Variants in VSIG10 observed in about 807,000 individuals in gnomAD.
The protein encoded by VSIG10 is V-set and immunoglobulin domain containing 10.
Under a neutral mutation model 58.7 loss-of-function variants are expected in VSIG10, and 48 were observed. The ratio of observed to expected loss-of-function variants is 0.82; its 90% CI spans 0.65 to 1.04. The LOEUF is 1.04. Among genes scored for constraint, VSIG10 ranks in the 50% least tolerant of loss-of-function variants. The probability of loss-of-function intolerance (pLI) is 0.00; values close to 1 mark genes in which losing one functional copy is unlikely to be tolerated. For missense variants in VSIG10, 628 were observed against 670.0 expected, an observed-to-expected ratio of 0.94 and a Z score of 0.69; for synonymous variants, 260 against 267.1, an observed-to-expected ratio of 0.97 and a Z score of 0.26.
chr12:118,091,867 C>T (rs1387744220), intron 2 of VSIG10, among the ~76,000 whole-genome samples: 1 of 152,012 alleles, frequency 6.6e-6, no homozygotes, highest in Admixed American at 6.6e-5. Context: ...AAGCGATTCT[C>T]TTGCCTCAGC....
In VSIG10 at chr12:118,103,805, C is replaced by T. The variant is rs901710565; in HGVS notation, c.-134G>A. The stretch of plus-strand genomic sequence containing the variant: ...CGGCAGAGTGGCCCCACTTCCTCGG[C>T]CCCCAGGAAGGATGCTTGGCTGAGC... On this transcript the variant is annotated 5_prime_UTR_variant, in exon 1 of 9. Transcript: ENST00000359236. 11 of 843,098 alleles carry T rather than the reference C, an allele frequency of 1.3e-5. No homozygotes were observed. The highest frequency in any genetic ancestry group is 1.8e-5 in the Non-Finnish European group (11 of 596,266). 52.2% of individuals were successfully genotyped at this position (843,098 alleles called of 1,614,324 possible).
At chr12:118,099,322 G>T (rs2033561908) in intron 1 of VSIG10, among the ~76,000 whole-genome samples, 1 of 151,900 alleles carries the variant, frequency 6.6e-6, no homozygotes, top group South Asian at 2.1e-4. Flanking sequence ...GGCGGGTTGG[G>T]GTGGGGGGTC....
At chr12:118,093,165 G>A (rs1299636965) in intron 2 of VSIG10, among the ~76,000 whole-genome samples, 4 of 151,616 alleles carry the variant, frequency 2.6e-5, no homozygotes, top group Non-Finnish European at 5.9e-5. Context: ...TGGGTGTGGT[G>A]GCGGGCGCCT....
intron 4 of VSIG10, among the ~76,000 whole-genome samples, chr12:118,078,510 T>C (rs1245006274): frequency 6.6e-6 from 1 of 152,112 alleles, no homozygotes; most frequent in African/African-American, 2.4e-5. Context: ...TCTTGCTTCC[T>C]CTCTCACTAT....
In VSIG10 at chr12:118,082,433, G is replaced by A. The variant is rs1481317079; in HGVS notation, c.362-4C>T. 16 of 1,605,042 alleles carry A rather than the reference G, an allele frequency of 1.0e-5. No homozygotes were observed. The highest frequency in any genetic ancestry group is 1.4e-5 in the Non-Finnish European group (16 of 1,173,948). ...ACCTCAATCTGATAGGGGCCGCCTG[G>A]GGATGACAGGGGGAATAGGATGGCA... is the stretch of plus-strand genomic sequence containing the variant. On this transcript the variant is annotated splice_region_variant and splice_polypyrimidine_tract_variant and intron_variant, in intron 2 of 8. Coordinates refer to ENST00000359236, the MANE Select transcript of VSIG10 (RefSeq NM_019086.6).
At chr12:118,100,561 C>G (rs548017638) in intron 1 of VSIG10, among the ~76,000 whole-genome samples, 1 of 151,962 alleles carries the variant, frequency 6.6e-6, no homozygotes, top group Non-Finnish European at 1.5e-5. Flanking sequence ...GATGAAGTCT[C>G]GCTCTGTTGC....
intron 1 of VSIG10, among the ~76,000 whole-genome samples, chr12:118,098,131 T>C (rs1592897923): frequency 6.6e-6 from 1 of 151,764 alleles, no homozygotes; most frequent in African/African-American, 2.4e-5. Context: ...CGATCAATAA[T>C]TGATACAGAA....
In VSIG10 at chr12:118,095,751, G is replaced by A. The variant is rs942280216; in HGVS notation, c.143C>T (p.Ser48Leu). 9 of 1,613,320 alleles carry A rather than the reference G, an allele frequency of 5.6e-6. 1 individual carries two copies. The highest frequency in any genetic ancestry group is 1.1e-5 in the South Asian group (1 of 90,990). ...CCAGGTCACCTGGCCCCTCAGTCCCGAGATGTTGCCACAGTGCAGAGTAAC... is the reference window on the plus strand; with the variant it reads ...CCAGGTCACCTGGCCCCTCAGTCCCAAGATGTTGCCACAGTGCAGAGTAAC... ...ENVTLHCGNI[S>L]GLRGQVTWYR... The change falls in exon 2 of 9, where the codon TCG becomes TTG. Residue 48 changes from serine to leucine, a missense_variant. Physicochemically the swap from Ser to Leu is moderately radical, Grantham distance 145 (BLOSUM62 -2). Coordinates refer to ENST00000359236, the MANE Select transcript of VSIG10 (RefSeq NM_019086.6).
chr12:118,077,787 T>C (rs867850418), intron 4 of VSIG10, among the ~76,000 whole-genome samples: 13 of 152,242 alleles, frequency 8.5e-5, no homozygotes, highest in African/African-American at 2.9e-4. Context: ...GGAGAAGAAA[T>C]AGTTGCCAGG....
Position 118,068,309 on chromosome 12 carries a change from A to G in VSIG10, c.1567+68T>C. Reference sequence around the variant, plus strand: ...CTTGGCCTCCCAAAGTGCTGGGATTATAGGCGTGAGCCAACGCGCCTTTTT... The same window carrying G: ...CTTGGCCTCCCAAAGTGCTGGGATTGTAGGCGTGAGCCAACGCGCCTTTTT... On this transcript the variant is annotated intron_variant, in intron 8 of 8. Transcript: ENST00000359236. The G allele has an allele frequency of 3.3e-6, 5 of 1,526,356 alleles. No individual in the cohort carries two copies. The East Asian group carries it at 1.2e-4, about 35-fold the overall frequency. The allele number at this position is 1,526,356 out of a possible 1,614,324, so 94.6% of individuals were successfully genotyped here.
intron 1 of VSIG10, among the ~76,000 whole-genome samples, chr12:118,103,334 GC>G (rs2033667461): frequency 6.6e-6 from 1 of 152,090 alleles, no homozygotes; most frequent in Non-Finnish European, 1.5e-5. Context: ...CGTCGGCTCG[GC>G]TCGGCTCCTC....
Position 118,079,522 on chromosome 12 carries a change from C to T in VSIG10, c.749G>A (p.Gly250Glu). The change falls in exon 4 of 9, where the codon GGA becomes GAA. Residue 250 changes from glycine to glutamate, a missense_variant. Gly to Glu is a moderately conservative substitution (Grantham distance 98, BLOSUM62 -2). Transcript: ENST00000359236. ...MLQLTCRWDG[G>E]YPDPDFLWIE... ...CCACAGGAAGTCAGGGTCAGGGTAT[C>T]CCCCATCCCAGCGACAGGTAAGCTG... 6.2e-7 allele frequency: 1 copy of T among 1,614,012 alleles called. No individual in the cohort carries two copies. The highest frequency in any genetic ancestry group is 8.5e-7 in the Non-Finnish European group (1 of 1,179,904).
chr12:118,071,070 GA>G lies in VSIG10; in HGVS notation c.1331-4del. 1.9e-6 allele frequency: 3 copies of G among 1,597,474 alleles called. No individual in the cohort carries two copies. The highest frequency in any genetic ancestry group is 2.6e-6 in the Non-Finnish European group (3 of 1,171,516). On this transcript the variant is annotated splice_polypyrimidine_tract_variant and splice_region_variant and intron_variant, in intron 6 of 8. Transcript: ENST00000359236. ...CACTCACCTGGAAGTGTTTCCTACT[GA>G]AGAGAGAAAGGAAAAACCATTAATA...
At chr12:118,084,330 T>C (rs548720402) in intron 2 of VSIG10, among the ~76,000 whole-genome samples, 1 of 152,324 alleles carries the variant, frequency 6.6e-6, no homozygotes. Flanking sequence ...AAAAGTTACC[T>C]TATCTTCAGC....
intron 4 of VSIG10, 63 bp downstream of exon 4, chr12:118,079,283 C>T: frequency 1.3e-6 from 2 of 1,575,152 alleles, no homozygotes; most frequent in Non-Finnish European, 1.7e-6. Context: ...CTCTCAAATG[C>T]TTCTCCTAGG....
At chr12:118,075,132 ATATG>A (rs1219327479) in intron 4 of VSIG10, among the ~76,000 whole-genome samples, 1 of 141,176 alleles carries the variant, frequency 7.1e-6, no homozygotes, top group Non-Finnish European at 1.5e-5. Flanking sequence ...ATATGTGTAT[ATATG>A]TATATATGTG....
intron 7 of VSIG10, among the ~76,000 whole-genome samples, chr12:118,069,072 A>C (rs1014159666): frequency 6.6e-6 from 1 of 151,942 alleles, no homozygotes; most frequent in Admixed American, 6.6e-5. Context: ...CAGACTTTGC[A>C]TTTCAGACTA....
rs192950567 is a variant in VSIG10, at chr12:118,095,595, A to G, written c.299T>C (p.Ile100Thr). 39 of 1,613,936 alleles carry G rather than the reference A, an allele frequency of 2.4e-5. No individual in the cohort carries two copies. In the African/African-American group the frequency reaches 4.8e-4, roughly 20 times the overall value. The change falls in exon 2 of 9, where the codon ATC becomes ACC. Residue 100 changes from isoleucine (I) to threonine (T), a missense_variant. Physicochemically the swap from Ile to Thr is moderately conservative, Grantham distance 89 (BLOSUM62 -1). Coordinates refer to ENST00000359236, the MANE Select transcript of VSIG10 (RefSeq NM_019086.6). ...IESLSLGDEGIYTCQEILNVT... is the reference protein window; with the variant it reads ...IESLSLGDEGTYTCQEILNVT... ...ATTCAGGATCTCCTGGCAGGTGTAG[A>G]TTCCCTCATCTCCCAGGCTCAGCGA... is the stretch of plus-strand genomic sequence containing the variant.
chr12:118,094,576 G>T lies in VSIG10; in HGVS notation c.361+957C>A, dbSNP rs373413497. 3.8e-4 allele frequency among the ~76,000 whole-genome samples: 57 copies of T among 151,746 alleles called. 1 individual carries two copies. In the South Asian group the frequency reaches 0.012, roughly 31 times the overall value. On this transcript the variant is annotated intron_variant, in intron 2 of 8. Coordinates refer to ENST00000359236, the MANE Select transcript of VSIG10 (RefSeq NM_019086.6). ...TTTTTGTATTTTTAGTAGAGATGGG[G>T]TTTCACCATGTTGGCCAGGCTGGTC...
Sources: allele counts gnomAD v4.1 joint callset (sites outside exome capture counted in the v4.1 genomes callset), GRCh38; gene constraint gnomAD v4.1.1; transcripts MANE v1.5; gene names NCBI Gene and HGNC (gene_info 2026-07-23, HGNC 2026-07-21).